TIMD4: variants seen among roughly 807,000 people sequenced by gnomAD.
TIMD4 encodes T-cell immunoglobulin and mucin domain-containing protein 4.
TIMD4 carries 31 observed loss-of-function variants against 41.2 expected under a neutral mutation model. The observed-to-expected ratio is 0.75, with a 90% CI of 0.57 to 1.01. The LOEUF (loss-of-function observed/expected upper bound fraction) is 1.01. Ranked by LOEUF, TIMD4 falls within the 50% of genes least tolerant of loss-of-function variation. The pLI, the probability that TIMD4 is intolerant of heterozygous loss-of-function variation, is 0.00. For missense variants in TIMD4, 479 were observed against 472.5 expected (o/e 1.01, Z -0.13); for synonymous variants, 204 against 177.1 (o/e 1.15, Z -1.21).
chr5:156,939,647 A>G (rs1300676595), intron 5 of TIMD4, among the ~76,000 whole-genome samples: 2 of 152,142 alleles, frequency 1.3e-5, no homozygotes, highest in Non-Finnish European at 2.9e-5. Flanking sequence ...ACTCTTCCTC[A>G]TGGAGCTGCT....
intron 5 of TIMD4, among the ~76,000 whole-genome samples, chr5:156,940,385 A>G (rs1209001280): frequency 6.6e-6 from 1 of 151,966 alleles, no homozygotes; most frequent in Non-Finnish European, 1.5e-5. Flanking sequence ...CACCCCATCT[A>G]GGAAGTGAGG....
At chr5:156,929,377 C>T (rs765273510) in intron 5 of TIMD4, among the ~76,000 whole-genome samples, 9 of 152,136 alleles carry the variant, frequency 5.9e-5, no homozygotes, top group Non-Finnish European at 8.8e-5. Flanking sequence ...ACCCCCTCTC[C>T]CCACCAAATC....
Position 156,920,197 on chromosome 5 carries a change from A to G in TIMD4, c.1052+267T>C, listed in dbSNP as rs17650128. Among the ~76,000 whole-genome samples the G allele has an allele frequency of 3.3e-3, 507 of 152,350 alleles. 1 individual carries two copies. The highest frequency in any genetic ancestry group is 5.7e-3 in the Non-Finnish European group (391 of 68,038). ...ATAGGTGAACAAAAAATTTCAGAGTAAAGTGCCATATCACCTTCTTTCTTT... is the reference window on the plus strand; with the variant it reads ...ATAGGTGAACAAAAAATTTCAGAGTGAAGTGCCATATCACCTTCTTTCTTT... On this transcript the variant is annotated intron_variant, in intron 8 of 8. Transcript: ENST00000274532.
chr5:156,932,792 A>AG (rs1396212557), intron 5 of TIMD4, among the ~76,000 whole-genome samples: 2 of 152,102 alleles, frequency 1.3e-5, no homozygotes, highest in African/African-American at 4.8e-5. Flanking sequence ...GGATCACCTG[A>AG]GGTCAGTTCA....
chr5:156,946,543 C>G (rs188722500), intron 5 of TIMD4, among the ~76,000 whole-genome samples: 31 of 152,278 alleles, frequency 2.0e-4, no homozygotes, highest in African/African-American at 7.2e-4. Flanking sequence ...GTGGCACAAT[C>G]TCGGCTCACT....
At chr5:156,928,247 G>A (rs1426726527) in intron 5 of TIMD4, among the ~76,000 whole-genome samples, 4 of 151,994 alleles carry the variant, frequency 2.6e-5, no homozygotes, top group African/African-American at 4.8e-5. Flanking sequence ...GCAGTGAGCC[G>A]AGATTGCCCC....
intron 5 of TIMD4, among the ~76,000 whole-genome samples, chr5:156,941,132 T>G (rs1031077638): frequency 2.0e-5 from 3 of 151,710 alleles, no homozygotes; most frequent in Non-Finnish European, 4.4e-5. Flanking sequence ...TCGTTAAGAG[T>G]CATCACCACT....
rs532641873 is a variant in TIMD4, at chr5:156,921,251, A to G, written c.1013-748T>C. 6.6e-5 allele frequency among the ~76,000 whole-genome samples: 10 copies of G among 152,254 alleles called. No homozygotes were observed. In the South Asian group the frequency reaches 2.1e-3, roughly 32 times the overall value. On this transcript the variant is annotated intron_variant, in intron 7 of 8. Transcript: ENST00000274532. ...CATAAACACTTTTGCATGTGATTTCAAAGGATTCACATTACCCTTGAAGTC... is the reference window on the plus strand; with the variant it reads ...CATAAACACTTTTGCATGTGATTTCGAAGGATTCACATTACCCTTGAAGTC...
At chr5:156,951,982 T>C (rs1361148243) in intron 2 of TIMD4, among the ~76,000 whole-genome samples, 192 bp from the exon 3 acceptor site, 1 of 152,090 alleles carries the variant, frequency 6.6e-6, no homozygotes, top group Non-Finnish European at 1.5e-5. Context: ...TCTTCACACA[T>C]TGGCTACATA....
Position 156,951,635 on chromosome 5 carries a change from T to C in TIMD4, c.556A>G (p.Thr186Ala), listed in dbSNP as rs184214058. Residue 186 changes from threonine to alanine, a missense_variant, in exon 3 of 9, where the codon ACA (threonine) becomes GCA (alanine). Coordinates refer to ENST00000274532, the MANE Select transcript of TIMD4 (RefSeq NM_138379.3). ...GCTGTTGTGAAGACGGCAATGGTTG[T>C]CATCTGGAGTGGTGTTCCGGTTGTG... is the stretch of plus-strand genomic sequence containing the variant. ...DLTTGTPLQMTTIAVFTTANT... is the reference protein window; with the variant it reads ...DLTTGTPLQMATIAVFTTANT... 7 of 1,614,164 alleles carry C rather than the reference T, an allele frequency of 4.3e-6. No homozygotes were observed. Among genetic ancestry groups the C allele is most frequent in the Non-Finnish European group, 5.9e-6 (7 of 1,180,022 alleles).
intron 5 of TIMD4, among the ~76,000 whole-genome samples, chr5:156,935,241 C>T (rs536020730): frequency 2.0e-5 from 3 of 151,520 alleles, no homozygotes; most frequent in East Asian, 3.9e-4. Flanking sequence ...AGTTCATTTG[C>T]GCAAGATTTT....
intron 5 of TIMD4, among the ~76,000 whole-genome samples, chr5:156,927,238 A>G (rs537972922): frequency 6.6e-6 from 1 of 152,350 alleles, no homozygotes; most frequent in East Asian, 1.9e-4. Context: ...ATACCACCTC[A>G]CATATACTTG....
At chr5:156,941,554 C>G (rs566155322) in intron 5 of TIMD4, among the ~76,000 whole-genome samples, 22 of 152,222 alleles carry the variant, frequency 1.4e-4, no homozygotes, top group Non-Finnish European at 2.5e-4. Context: ...ATAGCATTTT[C>G]TCCTTGAAGA....
chr5:156,958,424 C>A (rs1760021319), intron 1 of TIMD4, among the ~76,000 whole-genome samples: 2 of 151,834 alleles, frequency 1.3e-5, no homozygotes, highest in African/African-American at 4.8e-5. Flanking sequence ...ACATAATAGA[C>A]AATTCGTAGA....
intron 1 of TIMD4, among the ~76,000 whole-genome samples, chr5:156,962,556 TG>T (rs1753088800): frequency 6.6e-6 from 1 of 152,148 alleles, no homozygotes; most frequent in African/African-American, 2.4e-5. Context: ...ATATTCCCAG[TG>T]TCAACAGTTA....
At chr5:156,925,839 A>G (rs1036366317) in intron 6 of TIMD4, among the ~76,000 whole-genome samples, 4 of 152,228 alleles carry the variant, frequency 2.6e-5, no homozygotes, top group Non-Finnish European at 1.5e-5. Flanking sequence ...ATTTTGCGAC[A>G]GCAATATCCT....
At chr5:156,931,539 C>T (rs1478128497) in intron 5 of TIMD4, among the ~76,000 whole-genome samples, 1 of 152,172 alleles carries the variant, frequency 6.6e-6, no homozygotes, top group Non-Finnish European at 1.5e-5. Flanking sequence ...TTCACCAAAC[C>T]TTCTGGTTAA....
chr5:156,948,287 A>C (rs917900874), intron 5 of TIMD4, 129 bp downstream of exon 5: 7 of 433,218 alleles, frequency 1.6e-5, no homozygotes, highest in Non-Finnish European at 2.0e-5. Context: ...AAGAGATTTG[A>C]GACCAGCCTG....
At chr5:156,955,966 C>A (rs1759963023) in intron 1 of TIMD4, among the ~76,000 whole-genome samples, 1 of 152,180 alleles carries the variant, frequency 6.6e-6, no homozygotes, top group South Asian at 2.1e-4. Context: ...ACCAACTTAA[C>A]AAACTTTTGT....
Sources: allele counts gnomAD v4.1 joint callset (sites outside exome capture counted in the v4.1 genomes callset), GRCh38; gene constraint gnomAD v4.1.1; transcripts MANE v1.5; gene names NCBI Gene and HGNC (gene_info 2026-07-23, HGNC 2026-07-21).